CAPN5: variants seen among roughly 807,000 people sequenced by gnomAD.
CAPN5 encodes calpain-5.
CAPN5 carries 54 observed loss-of-function variants against 73.0 expected under a neutral mutation model. That is an observed-to-expected ratio of 0.74 (90% CI 0.59 to 0.93). The LOEUF (loss-of-function observed/expected upper bound fraction) is 0.93. CAPN5 is among the 40% of genes least tolerant of loss of function. The probability of loss-of-function intolerance (pLI) is 0.00; values close to 1 mark genes in which losing one functional copy is unlikely to be tolerated. For missense variants in CAPN5, 785 were observed against 882.9 expected (o/e 0.89, Z 1.41); for synonymous variants, 335 against 356.9 (o/e 0.94, Z 0.69).
chr11:77,122,832 G>A lies in CAPN5; in HGVS notation c.1740+120G>A, dbSNP rs556192355. On this transcript the variant is annotated intron_variant, in intron 12 of 12. Transcript: ENST00000648180. ...GACCCAGGCATGCTGGGCTCTAGCT[G>A]TCTGTCTATCCCTGACCCCTGGTGT... 104 of 1,311,276 alleles carry A rather than the reference G, an allele frequency of 7.9e-5. 1 individual carries two copies. The African/African-American group carries it at 1.4e-3, about 18-fold the overall frequency. The allele number at this position is 1,311,276 out of a possible 1,614,324, so 81.2% of individuals were successfully genotyped here.
chr11:77,100,929 G>C (rs1375095796), intron 3 of CAPN5, among the ~76,000 whole-genome samples: 2 of 152,122 alleles, frequency 1.3e-5, no homozygotes, highest in African/African-American at 4.8e-5. Flanking sequence ...CCCGGGCCCG[G>C]AACTGCTCTC....
intron 9 of CAPN5, chr11:77,119,370 C>T: frequency 1.7e-6 from 1 of 578,378 alleles, no homozygotes; most frequent in African/African-American, 1.9e-5. Context: ...AGCTCTCAGC[C>T]TGATTTCTTT....
intron 2 of CAPN5, among the ~76,000 whole-genome samples, chr11:77,087,469 T>G (rs1486491488): frequency 6.6e-6 from 1 of 152,138 alleles, no homozygotes; most frequent in East Asian, 1.9e-4. Flanking sequence ...TTGGTCCTTA[T>G]AGTGGCTGCT....
At chr11:77,077,816 A>T (rs1028832269) in intron 1 of CAPN5, among the ~76,000 whole-genome samples, 2 of 152,162 alleles carry the variant, frequency 1.3e-5, no homozygotes, top group African/African-American at 4.8e-5. Flanking sequence ...CGCCCAGCCA[A>T]TGTTGAGCAT....
chr11:77,067,543 G>A (rs1949856545), intron 1 of CAPN5, among the ~76,000 whole-genome samples: 1 of 151,878 alleles, frequency 6.6e-6, no homozygotes, highest in Non-Finnish European at 1.5e-5. Flanking sequence ...GGGCAGGGCC[G>A]AGGCTCCTAC....
At chr11:77,088,508 GA>G (rs1950115501) in intron 2 of CAPN5, among the ~76,000 whole-genome samples, 1 of 152,192 alleles carries the variant, frequency 6.6e-6, no homozygotes. Context: ...CCATGGAGGA[GA>G]AGGAGGTAGG....
intron 3 of CAPN5, among the ~76,000 whole-genome samples, chr11:77,110,411 G>T (rs1298069139): frequency 6.6e-6 from 1 of 152,170 alleles, no homozygotes; most frequent in Admixed American, 6.5e-5. Context: ...AGTGCCAGGA[G>T]TCAGGGCATT....
At chr11:77,097,479 T>G (rs1267122157) in intron 3 of CAPN5, among the ~76,000 whole-genome samples, 1 of 144,110 alleles carries the variant, frequency 6.9e-6, no homozygotes, top group Non-Finnish European at 1.5e-5. Context: ...TTTTTTTTTT[T>G]TTTTTTTTTT....
At chr11:77,081,534 G>C (rs782222562) in intron 1 of CAPN5, among the ~76,000 whole-genome samples, 3 of 152,248 alleles carry the variant, frequency 2.0e-5, no homozygotes, top group Non-Finnish European at 4.4e-5. Context: ...TCAGGGCACA[G>C]AGCATGAAAG....
rs782139800 is a variant in CAPN5 at position 77,119,132 on chromosome 11, A to G, written c.1270A>G (p.Ile424Val). 3.7e-6 allele frequency: 6 copies of G among 1,612,666 alleles called. No homozygotes were observed. Among genetic ancestry groups the G allele is most frequent in the South Asian group, 2.2e-5 (2 of 90,674 alleles). ...RREGKGENLA[I>V]GFDIYKVEEN... ...GGAGGGCAAGGGTGAGAACCTGGCC[A>G]TTGGCTTTGACATCTACAAGGTGAG... The change falls in exon 9 of 13, where the codon ATT becomes GTT. Residue 424 changes from isoleucine to valine, a missense_variant. Transcript: ENST00000648180.
At chr11:77,080,681 C>A (rs1950018962) in intron 1 of CAPN5, among the ~76,000 whole-genome samples, 1 of 152,192 alleles carries the variant, frequency 6.6e-6, no homozygotes, top group African/African-American at 2.4e-5. Flanking sequence ...AAGAGGAGTA[C>A]CAACCATGTC....
Position 77,108,736 on chromosome 11 carries a change from CAA to C in CAPN5, c.298-3842_298-3841del, listed in dbSNP as rs34493509. ...GATGCATCTCTGAAAGATAAGGGCT[CAA>C]AAAAAAAAAACCATAATACCAACTT... On this transcript the variant is annotated intron_variant, in intron 3 of 12. Transcript: ENST00000648180. 2.9e-3 allele frequency among the ~76,000 whole-genome samples: 412 copies of C among 140,954 alleles called. 2 individuals are homozygous for C. Among genetic ancestry groups the C allele is most frequent in the African/African-American group, 1.0e-2 (384 of 38,550 alleles). The allele number at this position is 140,954 out of a possible 152,430, so 92.5% of individuals were successfully genotyped here. A position where few individuals can be genotyped will look rare whatever the true frequency, so the allele number is the denominator to read the frequency against.
chr11:77,076,850 A>G (rs1949975206), intron 1 of CAPN5, among the ~76,000 whole-genome samples: 1 of 152,236 alleles, frequency 6.6e-6, no homozygotes, highest in Non-Finnish European at 1.5e-5. Context: ...TGTTTTCAAC[A>G]TACTGACTTC....
intron 3 of CAPN5, among the ~76,000 whole-genome samples, chr11:77,100,454 C>T (rs1950272875): frequency 6.6e-6 from 1 of 152,060 alleles, no homozygotes; most frequent in Admixed American, 6.5e-5. Context: ...AAGCTCCCGT[C>T]ACAACTGCCC....
Position 77,114,322 on chromosome 11 carries a change from C to A in CAPN5, c.587C>A (p.Pro196His), listed in dbSNP as rs1555041305. The A allele has an allele frequency of 1.2e-6, 2 of 1,614,052 alleles. No homozygotes were observed. Among genetic ancestry groups the A allele is most frequent in the Non-Finnish European group, 1.7e-6 (2 of 1,180,028 alleles). Residue 196 changes from proline (P) to histidine (H), a missense_variant, in exon 5 of 13, where the codon CCC becomes CAC. Pro to His is a moderately conservative substitution (Grantham distance 77). Transcript: ENST00000648180. ...GACTTCACGGGTGGTGTTTCTGAGC[C>A]CATCGACCTGACCGAGGGTGACTTT... is the stretch of plus-strand genomic sequence containing the variant. ...LVDFTGGVSE[P>H]IDLTEGDFAN...
chr11:77,073,236 G>C (rs955156791), intron 1 of CAPN5: 4 of 595,512 alleles, frequency 6.7e-6, no homozygotes, highest in African/African-American at 1.9e-5. Context: ...CCGAGGCTTG[G>C]CCTGGGGCTG....
chr11:77,087,852 C>G lies in CAPN5; in HGVS notation c.165+2801C>G, dbSNP rs975338371. 63 of 1,513,560 alleles carry G rather than the reference C, an allele frequency of 4.2e-5. No homozygotes were observed. The Admixed American group carries it at 6.1e-4, about 15-fold the overall frequency. 93.8% of individuals were successfully genotyped at this position (1,513,560 alleles called of 1,614,324 possible). ...CTCCTATTGACTCTGCAGGTGGGAC[C>G]AGGCCTTGTCCTCTTGGGTGCCGAC... On this transcript the variant is annotated intron_variant, in intron 2 of 12. Coordinates refer to ENST00000648180, the MANE Select transcript of CAPN5 (RefSeq NM_004055.5).
intron 6 of CAPN5, 49 bp from the exon 7 acceptor site, chr11:77,116,177 G>GC (rs781953677): frequency 4.2e-5 from 65 of 1,533,332 alleles, no homozygotes; most frequent in Non-Finnish European, 1.8e-5. Context: ...TTCTGGTGGG[G>GC]CTGCCTCTTA....
At chr11:77,103,330 G>A in intron 3 of CAPN5, 1 of 1,604,766 alleles carries the variant, frequency 6.2e-7, no homozygotes, top group Non-Finnish European at 8.5e-7. Flanking sequence ...AACCAGCTCT[G>A]ACAGCAGCTG....
Sources: gnomAD v4.1 joint callset for allele counts (sites outside exome capture counted in the v4.1 genomes callset) on GRCh38, gnomAD v4.1.1 for gene constraint, MANE v1.5 for transcripts, NCBI Gene and HGNC (gene_info 2026-07-23, HGNC 2026-07-21) for gene names.